The following CIAPIN1 variants were observed in gnomAD, a reference collection of about 807,000 sequenced individuals.
The protein encoded by CIAPIN1 is cytokine induced apoptosis inhibitor 1, also known as anamorsin.
A neutral mutation model predicts 34.3 loss-of-function variants in CIAPIN1; 18 were observed. The observed-to-expected ratio is 0.52, with a 90% CI of 0.36 to 0.78. The LOEUF (loss-of-function observed/expected upper bound fraction) is 0.78. Among genes scored for constraint, CIAPIN1 ranks in the 30% least tolerant of loss-of-function variants. CIAPIN1 has a pLI of 0.00. For missense variants in CIAPIN1, 310 were observed against 372.5 expected (o/e 0.83, Z 1.38); for synonymous variants, 131 against 140.4 (o/e 0.93, Z 0.47).
intron 8 of CIAPIN1, 35 bp downstream of exon 8, chr16:57,430,223 G>C: frequency 4.4e-6 from 7 of 1,579,600 alleles, no homozygotes; most frequent in South Asian, 1.1e-5. Context: ...CCCCCTGGGG[G>C]TTTGTGAATG....
intron 1 of CIAPIN1, among the ~76,000 whole-genome samples, chr16:57,443,792 C>A (rs754688188): frequency 6.6e-6 from 1 of 152,172 alleles, no homozygotes; most frequent in Non-Finnish European, 1.5e-5. Flanking sequence ...CAATCAAGAA[C>A]TGAAACTTTT....
At chr16:57,440,452 T>G (rs1291446373) in intron 2 of CIAPIN1, among the ~76,000 whole-genome samples, 1 of 152,144 alleles carries the variant, frequency 6.6e-6, no homozygotes, top group African/African-American at 2.4e-5. Context: ...AACTTGCTGG[T>G]TTTGCGGCTT....
chr16:57,434,617 G>A (rs905737643), intron 4 of CIAPIN1, among the ~76,000 whole-genome samples: 45 of 152,136 alleles, frequency 3.0e-4, no homozygotes, highest in Non-Finnish European at 4.4e-4. Flanking sequence ...TGTTCCTTGG[G>A]ATAAAGTAGC....
chr16:57,439,405 A>C lies in CIAPIN1; in HGVS notation c.158-71T>G, dbSNP rs564223506. On this transcript the variant is annotated intron_variant, in intron 2 of 8. Coordinates refer to ENST00000394391, the MANE Select transcript of CIAPIN1 (RefSeq NM_020313.4). Reference sequence around the variant, plus strand: ...AATCTCCTGGTCCCTTCCAACCCCCAACAAAAGCTACAGACCTCACCCTGA... The same window carrying C: ...AATCTCCTGGTCCCTTCCAACCCCCCACAAAAGCTACAGACCTCACCCTGA... The C allele has an allele frequency of 8.4e-6, 13 of 1,547,486 alleles. No homozygotes were observed. In the East Asian group the frequency reaches 2.9e-4, roughly 35 times the overall value.
intron 3 of CIAPIN1, among the ~76,000 whole-genome samples, chr16:57,438,675 A>T (rs1206006816): frequency 6.6e-6 from 1 of 152,174 alleles, no homozygotes; most frequent in Non-Finnish European, 1.5e-5. Flanking sequence ...TTCTATCACC[A>T]CAGGAACCCT....
At position 57,440,768 on chromosome 16, in the gene CIAPIN1, T is replaced by A. The variant is rs1903311826; in HGVS notation, c.157+4A>T. On this transcript the variant is annotated splice_donor_region_variant and intron_variant, in intron 2 of 8. Transcript: ENST00000394391. ...TCATAAAGACAACGTGGGTGGGTACTTACATTGCAACAGCTGCTTGATGTT... is the reference window on the plus strand; with the variant it reads ...TCATAAAGACAACGTGGGTGGGTACATACATTGCAACAGCTGCTTGATGTT... 6.2e-7 allele frequency: 1 copy of A among 1,610,480 alleles called. No individual in the cohort carries two copies. Among genetic ancestry groups the A allele is most frequent in the Admixed American group, 1.7e-5 (1 of 59,412 alleles).
intron 7 of CIAPIN1, chr16:57,430,694 C>T (rs1903067124): frequency 3.6e-6 from 1 of 275,238 alleles, no homozygotes; most frequent in African/African-American, 2.1e-5. Flanking sequence ...TAAATGCTGG[C>T]AGCTTTTACA....
Position 57,431,250 on chromosome 16 carries a change from T to A in CIAPIN1, c.647A>T (p.Asp216Val). ...CAAATCTTCTGGATCCAGCAGCTCA[T>A]CTGAGTCAATGAGATCCTGGAGAGT... is the stretch of plus-strand genomic sequence containing the variant. ...EDDSMDLIDS[D>V]ELLDPEDLKK... Residue 216 changes from aspartate (D) to valine (V), a missense_variant, in exon 7 of 9, where the codon GAT (aspartate) becomes GTT (valine). Transcript: ENST00000394391. 1 of 1,612,366 alleles carries A rather than the reference T, an allele frequency of 6.2e-7. No homozygotes were observed. The highest frequency in any genetic ancestry group is 8.5e-7 in the Non-Finnish European group (1 of 1,178,580).
At chr16:57,446,476 G>C (rs917059894) in intron 1 of CIAPIN1, among the ~76,000 whole-genome samples, 1 of 152,128 alleles carries the variant, frequency 6.6e-6, no homozygotes, top group African/African-American at 2.4e-5. Context: ...ACAATGATGG[G>C]GTCTGACTGC....
In CIAPIN1 at chr16:57,439,025, T is replaced by A. The variant is rs568330393; in HGVS notation, c.310+157A>T. On this transcript the variant is annotated intron_variant, in intron 3 of 8. Coordinates refer to ENST00000394391, the MANE Select transcript of CIAPIN1 (RefSeq NM_020313.4). ...CCAAAGATTACAATTTCTCCAGATA[T>A]GTTGCTTCAGATTTTAACAATAATT... 1.4e-3 allele frequency among the ~76,000 whole-genome samples: 206 copies of A among 152,364 alleles called. 1 individual carries two copies. Among genetic ancestry groups the A allele is most frequent in the African/African-American group, 4.5e-3 (187 of 41,594 alleles).
chr16:57,433,993 A>T (rs1903144804), intron 5 of CIAPIN1, 51 bp downstream of exon 5: 2 of 1,506,752 alleles, frequency 1.3e-6, no homozygotes, highest in African/African-American at 2.7e-5. Flanking sequence ...AATTTCTAAC[A>T]TGTCCCTCTA....
intron 1 of CIAPIN1, among the ~76,000 whole-genome samples, chr16:57,442,879 C>T (rs910566646): frequency 2.6e-5 from 4 of 152,126 alleles, no homozygotes; most frequent in Admixed American, 6.5e-5. Flanking sequence ...TCTGGCTCTA[C>T]CTGTATCTCC....
In CIAPIN1 at chr16:57,437,824, C is replaced by A. The variant is rs556191096; in HGVS notation, c.311-1092G>T. On this transcript the variant is annotated intron_variant, in intron 3 of 8. Transcript: ENST00000394391. ...TACAGGTGTGAGCCACTGTGCCTGG[C>A]CATAGCGATACTATTTTAATTTGAC... Among the ~76,000 whole-genome samples the A allele has an allele frequency of 7.9e-5, 12 of 152,254 alleles. 1 individual carries two copies. In the South Asian group the frequency reaches 2.3e-3, roughly 29 times the overall value.
At chr16:57,442,121 G>A (rs981667636) in intron 1 of CIAPIN1, among the ~76,000 whole-genome samples, 93 of 152,190 alleles carry the variant, frequency 6.1e-4, no homozygotes, top group African/African-American at 2.1e-3. Context: ...CGAGCCAGGC[G>A]AATTGCCTGA....
At position 57,431,368 on chromosome 16, in the gene CIAPIN1, A is replaced by G. The variant is rs552211234; in HGVS notation, c.631-102T>C. 5.6e-6 allele frequency: 4 copies of G among 711,216 alleles called. No homozygotes were observed. In the Admixed American group the frequency reaches 7.1e-5, roughly 13 times the overall value. The allele number at this position is 711,216 out of a possible 1,614,324, so 44.1% of individuals were successfully genotyped here. On this transcript the variant is annotated intron_variant, in intron 6 of 8. Transcript: ENST00000394391. ...AGAGGAAACTTGGAGTCCAGGGTAA[A>G]GAAGGTGTCCACCCTGTCCTCCTTT...
intron 4 of CIAPIN1, among the ~76,000 whole-genome samples, chr16:57,435,655 G>A (rs1411463971): frequency 1.3e-5 from 2 of 152,156 alleles, no homozygotes; most frequent in Admixed American, 6.6e-5. Flanking sequence ...TTAGCCAGGT[G>A]TGGTGGCGCA....
intron 4 of CIAPIN1, among the ~76,000 whole-genome samples, chr16:57,435,402 A>G (rs551599801): frequency 6.6e-6 from 1 of 152,354 alleles, no homozygotes; most frequent in Non-Finnish European, 1.5e-5. Context: ...ATAGGAACAG[A>G]AGAATGGCCT....
In CIAPIN1 at chr16:57,440,807, C is replaced by T. The variant is rs763946631; in HGVS notation, c.122G>A (p.Arg41His). Residue 41 changes from arginine to histidine, a missense_variant, in exon 2 of 9, where the codon CGC (arginine) becomes CAC (histidine). By Grantham distance (29) the Arg-to-His change is conservative. Transcript: ENST00000394391. The stretch of plus-strand genomic sequence containing the variant: ...CTGCTTGATGTTTTCCACAGACACG[C>T]GGCCCTCATTGCCGGTTAACGCTTG... ...KLQALTGNEG[R>H]VSVENIKQLL... is the part of the protein sequence containing the mutation. 104 of 1,613,624 alleles carry T rather than the reference C, an allele frequency of 6.4e-5. No homozygotes were observed. The East Asian group carries it at 1.6e-3, about 26-fold the overall frequency.
Position 57,439,172 on chromosome 16 carries a change from A to C in CIAPIN1, c.310+10T>G, listed in dbSNP as rs1395940450. On this transcript the variant is annotated intron_variant, in intron 3 of 8. Transcript: ENST00000394391. ...TGTCAAACATGTTTTCCAAGTGAAG[A>C]TCTCCTTACCTACAGCTGTCTCTAC... 6.2e-7 allele frequency: 1 copy of C among 1,613,136 alleles called. No individual in the cohort carries two copies. The highest frequency in any genetic ancestry group is 1.7e-5 in the Admixed American group (1 of 60,026).
Sources: gnomAD v4.1 joint callset for allele counts (sites outside exome capture counted in the v4.1 genomes callset) on GRCh38, gnomAD v4.1.1 for gene constraint, MANE v1.5 for transcripts, NCBI Gene and HGNC (gene_info 2026-07-23, HGNC 2026-07-21) for gene names.